PLEKHA7: variants seen among roughly 807,000 people sequenced by gnomAD.
The protein encoded by PLEKHA7 is pleckstrin homology domain-containing family A member 7.
A neutral mutation model predicts 170.0 loss-of-function variants in PLEKHA7; 104 were observed. The observed-to-expected ratio is 0.61, with a 90% CI of 0.52 to 0.72. The LOEUF (loss-of-function observed/expected upper bound fraction) is 0.72, where lower values mean the gene tolerates loss of function less well. Among genes scored for constraint, PLEKHA7 ranks in the 30% least tolerant of loss-of-function variants. PLEKHA7 has a pLI of 0.00. For synonymous variants in PLEKHA7, 648 were observed against 660.8 expected (o/e 0.98, Z 0.30); for missense variants, 1,615 against 1,671.7 (o/e 0.97, Z 0.59).
At position 16,800,942 on chromosome 11, in the gene PLEKHA7, A is replaced by G. The variant is rs779134369; in HGVS notation, c.2409+32T>C. The G allele has an allele frequency of 2.6e-6, 4 of 1,566,470 alleles. No homozygotes were observed. In the East Asian group the frequency reaches 9.0e-5, roughly 35 times the overall value. On this transcript the variant is annotated intron_variant, in intron 17 of 26. Coordinates refer to ENST00000531066, the MANE Select transcript of PLEKHA7 (RefSeq NM_001329630.2). Reference sequence around the variant, plus strand: ...CAAAAAACAAAAAACAAAAAACAAGAGCTCAGAAGAGATGGACAGGTATCA... The same window carrying G: ...CAAAAAACAAAAAACAAAAAACAAGGGCTCAGAAGAGATGGACAGGTATCA...
chr11:16,785,287 T>C (rs935890318), intron 24 of PLEKHA7, among the ~76,000 whole-genome samples: 3 of 152,252 alleles, frequency 2.0e-5, no homozygotes, highest in Non-Finnish European at 4.4e-5. Flanking sequence ...GAAAGTTTTA[T>C]TGAGGTCTCG....
At chr11:16,838,860 A>G (rs1047698071) in intron 9 of PLEKHA7, among the ~76,000 whole-genome samples, 1 of 151,736 alleles carries the variant, frequency 6.6e-6, no homozygotes, top group African/African-American at 2.4e-5. Flanking sequence ...CTAATTTTTC[A>G]TATTTTTAGT....
At chr11:16,790,526 G>A in intron 21 of PLEKHA7, 1 of 399,540 alleles carries the variant, frequency 2.5e-6, no homozygotes, top group Non-Finnish European at 4.5e-6. Context: ...TGAATATCAT[G>A]TCTATATAAA....
chr11:16,853,266 A>C (rs998784067), intron 6 of PLEKHA7, among the ~76,000 whole-genome samples: 1 of 152,226 alleles, frequency 6.6e-6, no homozygotes, highest in Non-Finnish European at 1.5e-5. Context: ...CAAGCTTGAA[A>C]AACATCTGAC....
chr11:16,932,298 G>C (rs1243397561), intron 3 of PLEKHA7, among the ~76,000 whole-genome samples: 1 of 122,250 alleles, frequency 8.2e-6, no homozygotes, highest in Non-Finnish European at 1.7e-5. Flanking sequence ...TTTTTTCTGA[G>C]ACAAAGTCTT....
At chr11:16,899,470 G>A (rs114803040) in intron 3 of PLEKHA7, among the ~76,000 whole-genome samples, 2,392 of 152,154 alleles carry the variant, frequency 0.016, 60 homozygotes, top group African/African-American at 0.054. Context: ...GCACTCCAGC[G>A]CTGGGCAAAA....
intron 3 of PLEKHA7, among the ~76,000 whole-genome samples, chr11:17,011,976 T>C (rs1425546809): frequency 6.6e-6 from 1 of 152,008 alleles, no homozygotes; most frequent in Non-Finnish European, 1.5e-5. Flanking sequence ...ATTCAGTCCA[T>C]CATGAAGGTG....
At chr11:16,802,864 C>G (rs549293008) in intron 15 of PLEKHA7, 108 bp downstream of exon 15, 4 of 979,308 alleles carry the variant, frequency 4.1e-6, no homozygotes, top group Non-Finnish European at 6.4e-6. Context: ...TTTAAATAAG[C>G]TAACATCTGC....
chr11:16,794,464 CA>C, intron 19 of PLEKHA7, 23 bp downstream of exon 19: 8 of 1,587,418 alleles, frequency 5.0e-6, no homozygotes, highest in Non-Finnish European at 5.2e-6. Flanking sequence ...CAATGGCATT[CA>C]GCTCCTAGTT....
At chr11:16,883,834 T>C (rs1855880298) in intron 3 of PLEKHA7, among the ~76,000 whole-genome samples, 1 of 152,212 alleles carries the variant, frequency 6.6e-6, no homozygotes, top group African/African-American at 2.4e-5. Flanking sequence ...TCAAAAATTA[T>C]TTAAGTACTG....
intron 3 of PLEKHA7, among the ~76,000 whole-genome samples, chr11:16,911,622 A>C (rs1376877903): frequency 6.6e-6 from 1 of 152,090 alleles, no homozygotes; most frequent in Non-Finnish European, 1.5e-5. Flanking sequence ...ATTCAAGAGG[A>C]AACTGGCAGA....
intron 3 of PLEKHA7, among the ~76,000 whole-genome samples, chr11:16,877,638 T>G (rs1855405245): frequency 2.0e-5 from 3 of 152,226 alleles, no homozygotes. Context: ...TAGGCATTCC[T>G]GTGACAGGCC....
intron 3 of PLEKHA7, among the ~76,000 whole-genome samples, chr11:16,923,901 C>T (rs35730627): frequency 6.6e-6 from 1 of 152,184 alleles, no homozygotes; most frequent in East Asian, 1.9e-4. Context: ...AAACTCTATC[C>T]TAAGCCAGCA....
At chr11:16,875,366 T>TC (rs1480651930) in intron 3 of PLEKHA7, among the ~76,000 whole-genome samples, 1 of 152,124 alleles carries the variant, frequency 6.6e-6, no homozygotes, top group African/African-American at 2.4e-5. Flanking sequence ...TTTTTTTTTT[T>TC]TCAAAAAGAC....
In PLEKHA7 at chr11:16,832,639, G is replaced by A. The variant is rs78019425; in HGVS notation, c.873-6049C>T. On this transcript the variant is annotated intron_variant, in intron 9 of 26. Transcript: ENST00000531066. ...ACACATTCAATCTCATTCAAAGACT[G>A]AGATGGGAAGAGGAATGACAGCTTG... 3.9e-3 allele frequency among the ~76,000 whole-genome samples: 590 copies of A among 152,300 alleles called. 11 individuals carry two copies. The East Asian group carries it at 0.069, about 18-fold the overall frequency.
chr11:16,980,035 A>G (rs1863328685), intron 3 of PLEKHA7, among the ~76,000 whole-genome samples: 1 of 152,224 alleles, frequency 6.6e-6, no homozygotes. Context: ...TACGACCCAC[A>G]GTAATGACCA....
intron 3 of PLEKHA7, among the ~76,000 whole-genome samples, chr11:17,001,209 G>C (rs780884576): frequency 4.6e-5 from 7 of 152,184 alleles, no homozygotes; most frequent in Non-Finnish European, 4.4e-5. Flanking sequence ...GGCACTGCTG[G>C]AGGGCAGAAA....
chr11:16,918,469 C>A (rs1417575842), intron 3 of PLEKHA7, among the ~76,000 whole-genome samples: 1 of 152,216 alleles, frequency 6.6e-6, no homozygotes, highest in Non-Finnish European at 1.5e-5. Context: ...CACTCTCCAA[C>A]CTATCCTCTG....
chr11:16,957,532 A>G (rs1861769783), intron 3 of PLEKHA7, among the ~76,000 whole-genome samples: 1 of 152,108 alleles, frequency 6.6e-6, no homozygotes, highest in South Asian at 2.1e-4. Flanking sequence ...AATGGGAAAA[A>G]CTGGCTTAGC....
Sources: gnomAD v4.1 joint callset for allele counts (sites outside exome capture counted in the v4.1 genomes callset) on GRCh38, gnomAD v4.1.1 for gene constraint, MANE v1.5 for transcripts, NCBI Gene and HGNC (gene_info 2026-07-23, HGNC 2026-07-21) for gene names.